The following TMC1 variants were observed in gnomAD, a reference collection of about 807,000 sequenced individuals.
The protein encoded by TMC1 is transmembrane channel like 1.
A neutral mutation model predicts 105.8 loss-of-function variants in TMC1; 84 were observed. The ratio of observed to expected loss-of-function variants is 0.79; its 90% confidence interval spans 0.67 to 0.95. The LOEUF is 0.95. Among genes scored for constraint, TMC1 ranks in the 40% least tolerant of loss-of-function variants. The pLI is 0.00. For synonymous variants in TMC1, 315 were observed against 311.5 expected (o/e 1.01, Z -0.12); for missense variants, 817 against 914.1 (o/e 0.89, Z 1.37).
chr9:72,719,231 T>C (rs774643041), intron 8 of TMC1, among the ~76,000 whole-genome samples: 3 of 152,184 alleles, frequency 2.0e-5, no homozygotes, highest in Non-Finnish European at 2.9e-5. Context: ...GTTGGAATCG[T>C]TACAGAGTTC....
intron 3 of TMC1, among the ~76,000 whole-genome samples, chr9:72,619,505 T>C (rs1825203385): frequency 6.6e-6 from 1 of 152,138 alleles, no homozygotes; most frequent in Non-Finnish European, 1.5e-5. Context: ...GAAAACTGAA[T>C]GAATAAATGG....
At chr9:72,640,920 G>A (rs766587837) in intron 4 of TMC1, among the ~76,000 whole-genome samples, 4 of 151,460 alleles carry the variant, frequency 2.6e-5, no homozygotes, top group East Asian at 2.0e-4. Flanking sequence ...TGTGAGCCAC[G>A]GTGCCTGGCC....
intron 2 of TMC1, among the ~76,000 whole-genome samples, chr9:72,613,237 T>G (rs1489721844): frequency 6.6e-6 from 1 of 151,810 alleles, no homozygotes; most frequent in Non-Finnish European, 1.5e-5. Context: ...GTTCAAGCGA[T>G]TCTCCTGCCT....
At chr9:72,718,639 T>C (rs1199005449) in intron 8 of TMC1, among the ~76,000 whole-genome samples, 1 of 152,098 alleles carries the variant, frequency 6.6e-6, no homozygotes. Flanking sequence ...GTGAGGTGCC[T>C]TAGTTGTAGT....
At chr9:72,743,449 C>A in intron 10 of TMC1, among the ~76,000 whole-genome samples, 2 of 149,996 alleles carry the variant, frequency 1.3e-5, no homozygotes, top group Non-Finnish European at 1.5e-5. Flanking sequence ...AGCCTGTAGT[C>A]CCAGCTACTC....
intron 2 of TMC1, among the ~76,000 whole-genome samples, chr9:72,595,058 G>A (rs1036814188): frequency 1.3e-5 from 2 of 151,980 alleles, no homozygotes; most frequent in Admixed American, 6.6e-5. Context: ...TAGAGACGGG[G>A]TTTCTTTATG....
Position 72,772,567 on chromosome 9 carries a change from T to A in TMC1, c.884+12T>A. ...GTTGTCCTCAAAGCGTAAGTTTCATTTGTCTTTTGGGAAGCAAATAATGAT... is the reference window on the plus strand; with the variant it reads ...GTTGTCCTCAAAGCGTAAGTTTCATATGTCTTTTGGGAAGCAAATAATGAT... On this transcript the variant is annotated intron_variant, in intron 13 of 23. Coordinates refer to ENST00000297784, the MANE Select transcript of TMC1 (RefSeq NM_138691.3). 6.2e-7 allele frequency: 1 copy of A among 1,613,808 alleles called. No individual in the cohort carries two copies. Among genetic ancestry groups the A allele is most frequent in the Non-Finnish European group, 8.5e-7 (1 of 1,179,722 alleles).
intron 8 of TMC1, among the ~76,000 whole-genome samples, chr9:72,727,675 G>A (rs983125797): frequency 2.0e-4 from 31 of 152,060 alleles, no homozygotes; most frequent in Non-Finnish European, 4.0e-4. Context: ...TTCTTGGGCT[G>A]GTGATTTTAA....
chr9:72,667,626 A>G (rs1826064181), intron 5 of TMC1, among the ~76,000 whole-genome samples: 1 of 152,224 alleles, frequency 6.6e-6, no homozygotes, highest in African/African-American at 2.4e-5. Flanking sequence ...AAATTGAGAT[A>G]ATAACACACG....
In TMC1 at chr9:72,694,533, C is replaced by T. The variant is rs576970134; in HGVS notation, c.65-10C>T. On this transcript the variant is annotated splice_polypyrimidine_tract_variant and intron_variant, in intron 6 of 23. Transcript: ENST00000297784. ...CTGACATTACTCATTGAATCAAGTG[C>T]TATGTTTAGGTGAAGAGGAAGAGGA... 1 of 1,611,008 alleles carries T rather than the reference C, an allele frequency of 6.2e-7. No homozygotes were observed. The highest frequency in any genetic ancestry group is 1.3e-5 in the African/African-American group (1 of 74,800).
chr9:72,613,132 ATTTT>A (rs10552822), intron 2 of TMC1, among the ~76,000 whole-genome samples: 31 of 137,942 alleles, frequency 2.2e-4, no homozygotes, highest in Middle Eastern at 3.5e-3. Flanking sequence ...CAGAAATGTG[ATTTT>A]TTTTTTTTTT....
intron 1 of TMC1, among the ~76,000 whole-genome samples, chr9:72,545,887 C>T (rs10117563): frequency 6.6e-6 from 1 of 151,898 alleles, no homozygotes; most frequent in South Asian, 2.1e-4. Context: ...ACCTTCGCTT[C>T]TTTCAGATCA....
At chr9:72,542,686 T>C (rs1349663335) in intron 1 of TMC1, among the ~76,000 whole-genome samples, 5 of 151,950 alleles carry the variant, frequency 3.3e-5, no homozygotes, top group Admixed American at 6.6e-5. Flanking sequence ...CTTTCTTCCT[T>C]TGTTTTTTTT....
At chr9:72,723,411 T>C (rs368936651) in intron 8 of TMC1, among the ~76,000 whole-genome samples, 2 of 152,174 alleles carry the variant, frequency 1.3e-5, no homozygotes, top group Admixed American at 1.3e-4. Flanking sequence ...CACATTAGAG[T>C]TGATCTACCA....
chr9:72,824,921 C>A (rs911954697), intron 20 of TMC1, among the ~76,000 whole-genome samples: 3 of 152,234 alleles, frequency 2.0e-5, no homozygotes, highest in Non-Finnish European at 2.9e-5. Flanking sequence ...CCCTATCTGC[C>A]TAGGCATTTG....
chr9:72,795,984 A>C (rs1588087490), intron 17 of TMC1, among the ~76,000 whole-genome samples: 1 of 152,128 alleles, frequency 6.6e-6, no homozygotes, highest in East Asian at 1.9e-4. Flanking sequence ...AAACAGAAAA[A>C]AACATGGGTT....
chr9:72,811,743 C>T (rs1221915247), intron 18 of TMC1, among the ~76,000 whole-genome samples: 3 of 152,060 alleles, frequency 2.0e-5, no homozygotes, highest in Non-Finnish European at 2.9e-5. Context: ...TGGGAGACTT[C>T]TTTAAAGTCT....
At chr9:72,788,511 T>C (rs1249853860) in intron 14 of TMC1, 28 bp downstream of exon 14, 2 of 1,612,976 alleles carry the variant, frequency 1.2e-6, no homozygotes, top group South Asian at 2.2e-5. Context: ...AAAAACCTGC[T>C]GTTTGTATTT....
rs543111266 is a variant in TMC1 at position 72,713,028 on chromosome 9, T to C, written c.362+12385T>C. Among the ~76,000 whole-genome samples, 3 of 152,352 alleles carry C rather than the reference T, an allele frequency of 2.0e-5. No individual in the cohort carries two copies. The East Asian group carries it at 5.8e-4, about 29-fold the overall frequency. On this transcript the variant is annotated intron_variant, in intron 8 of 23. Transcript: ENST00000297784. ...AAGGCCTTTTCTGCATCTATTGAGATAATCATGTGGTTTTTGTGATTGGTT... is the reference window on the plus strand; with the variant it reads ...AAGGCCTTTTCTGCATCTATTGAGACAATCATGTGGTTTTTGTGATTGGTT...
Sources: allele counts gnomAD v4.1 joint callset (sites outside exome capture counted in the v4.1 genomes callset), GRCh38; gene constraint gnomAD v4.1.1; transcripts MANE v1.5; gene names NCBI Gene and HGNC (gene_info 2026-07-23, HGNC 2026-07-21).